The following ARNT2 variants were observed in gnomAD, a reference collection of about 807,000 sequenced individuals.
ARNT2 encodes the protein ARNT protein 2.
In ARNT2, 36 loss-of-function variants were observed where a neutral mutation model predicts 91.7. That is an observed-to-expected ratio of 0.39 (90% CI 0.30 to 0.52). ARNT2 has a LOEUF of 0.52. Ranked by LOEUF, ARNT2 falls within the 20% of genes least tolerant of loss-of-function variation. The pLI, the probability that ARNT2 is intolerant of heterozygous loss-of-function variation, is 0.72. For missense variants in ARNT2, 775 were observed against 939.3 expected (o/e 0.83, Z 2.29); for synonymous variants, 365 against 347.1 (o/e 1.05, Z -0.57).
rs763013404 is a variant in ARNT2 at position 80,528,734 on chromosome 15, A to G, written c.877+14329A>G. Among the ~76,000 whole-genome samples, 4 of 152,172 alleles carry G rather than the reference A, an allele frequency of 2.6e-5. No individual in the cohort carries two copies. In the South Asian group the frequency reaches 8.3e-4, roughly 32 times the overall value. The stretch of plus-strand genomic sequence containing the variant: ...CTCTCTCACTATGTGATCTCTGCAC[A>G]TGGTGGCTCCCCTTCACCTTCCACC... On this transcript the variant is annotated intron_variant, in intron 8 of 18. Coordinates refer to ENST00000303329, the MANE Select transcript of ARNT2 (RefSeq NM_014862.4).
intron 2 of ARNT2, among the ~76,000 whole-genome samples, chr15:80,454,080 GT>G (rs1200782243): frequency 6.6e-6 from 1 of 152,248 alleles, no homozygotes; most frequent in African/African-American, 2.4e-5. Context: ...ATCAGTAAGT[GT>G]CTTAGCGAGC....
chr15:80,431,445 TC>T (rs1896008139), intron 1 of ARNT2, among the ~76,000 whole-genome samples: 1 of 152,144 alleles, frequency 6.6e-6, no homozygotes, highest in Non-Finnish European at 1.5e-5. Context: ...TTTGCTCCTT[TC>T]CCAGTAACAA....
At chr15:80,422,734 CT>C (rs113485640) in intron 1 of ARNT2, among the ~76,000 whole-genome samples, 5 of 150,120 alleles carry the variant, frequency 3.3e-5, no homozygotes, top group African/African-American at 1.2e-4. Context: ...TAAACTTTTA[CT>C]AAGTAAGTAT....
chr15:80,582,180 T>A (rs1898811049), intron 17 of ARNT2, among the ~76,000 whole-genome samples: 1 of 152,110 alleles, frequency 6.6e-6, no homozygotes, highest in African/African-American at 2.4e-5. Context: ...TAGAACTGCT[T>A]GTCTGTCAGC....
intron 1 of ARNT2, among the ~76,000 whole-genome samples, chr15:80,435,010 TA>T (rs150057571): frequency 2.9e-3 from 441 of 152,194 alleles, no homozygotes; most frequent in African/African-American, 0.01. Flanking sequence ...TACCTGCGGG[TA>T]AACCACTGGG....
At chr15:80,578,336 G>C (rs1183412376) in intron 15 of ARNT2, among the ~76,000 whole-genome samples, 2 of 152,094 alleles carry the variant, frequency 1.3e-5, no homozygotes, top group African/African-American at 4.8e-5. Context: ...AGGGCCTGAG[G>C]GGTGTGCTGA....
Position 80,498,204 on chromosome 15 carries a change from A to G in ARNT2, c.623-9952A>G, listed in dbSNP as rs148572312. Among the ~76,000 whole-genome samples the G allele has an allele frequency of 1.7e-3, 255 of 152,304 alleles. 1 individual carries two copies. Among genetic ancestry groups the G allele is most frequent in the Non-Finnish European group, 2.9e-3 (195 of 68,020 alleles). On this transcript the variant is annotated intron_variant, in intron 5 of 18. Transcript: ENST00000303329. Reference sequence around the variant, plus strand: ...GTTGCACTCCCTCCTTCCTGCCTGGAAGCACCGATGGCACACGATTTTTTT... The same window carrying G: ...GTTGCACTCCCTCCTTCCTGCCTGGGAGCACCGATGGCACACGATTTTTTT...
At chr15:80,549,967 T>C (rs1335620826) in intron 8 of ARNT2, among the ~76,000 whole-genome samples, 3 of 152,258 alleles carry the variant, frequency 2.0e-5, no homozygotes, top group Non-Finnish European at 4.4e-5. Context: ...TATTTAGTGG[T>C]TGAATAAATC....
intron 1 of ARNT2, among the ~76,000 whole-genome samples, chr15:80,439,670 A>T (rs1008264603): frequency 6.6e-6 from 1 of 152,208 alleles, no homozygotes; most frequent in Non-Finnish European, 1.5e-5. Flanking sequence ...TTCAACTTCC[A>T]ACTGCCTTTG....
chr15:80,405,685 G>A (rs945683895), intron 1 of ARNT2, among the ~76,000 whole-genome samples: 6 of 152,170 alleles, frequency 3.9e-5, no homozygotes, highest in African/African-American at 1.4e-4. Context: ...GTAAGTAACA[G>A]TGGACTTGCT....
chr15:80,449,192 T>C (rs1271780327), intron 1 of ARNT2, among the ~76,000 whole-genome samples: 1 of 152,158 alleles, frequency 6.6e-6, no homozygotes, highest in Admixed American at 6.5e-5. Flanking sequence ...AGAAAGGGGG[T>C]AAGTGCACAG....
chr15:80,555,191 G>C (rs762945150), intron 11 of ARNT2, 52 bp downstream of exon 11: 1 of 1,583,182 alleles, frequency 6.3e-7, no homozygotes, highest in South Asian at 1.1e-5. Flanking sequence ...GGGCACCTGT[G>C]GATGTGGCTG....
At chr15:80,474,515 G>C (rs1419570193) in intron 4 of ARNT2, among the ~76,000 whole-genome samples, 1 of 152,214 alleles carries the variant, frequency 6.6e-6, no homozygotes, top group Non-Finnish European at 1.5e-5. Context: ...GAACAAGAGG[G>C]TACTTTCAGT....
chr15:80,418,948 A>C (rs1895823930), intron 1 of ARNT2, among the ~76,000 whole-genome samples: 1 of 152,166 alleles, frequency 6.6e-6, no homozygotes, highest in African/African-American at 2.4e-5. Flanking sequence ...CTGGGAATAC[A>C]CTGGGTGGAA....
At chr15:80,463,358 C>T (rs543705406) in intron 3 of ARNT2, among the ~76,000 whole-genome samples, 33 of 148,962 alleles carry the variant, frequency 2.2e-4, no homozygotes, top group African/African-American at 8.0e-4. Flanking sequence ...CCAAACTTCC[C>T]ATGCCTCCTC....
At chr15:80,592,243 AT>A (rs1389069951) in intron 18 of ARNT2, among the ~76,000 whole-genome samples, 1 of 152,138 alleles carries the variant, frequency 6.6e-6, no homozygotes, top group Non-Finnish European at 1.5e-5. Flanking sequence ...TTTCTAGACC[AT>A]CCCTCGTGTC....
At chr15:80,488,737 C>T (rs1373559710) in intron 5 of ARNT2, 1 of 152,032 alleles carries the variant, frequency 6.6e-6, no homozygotes, top group Non-Finnish European at 1.5e-5. Context: ...ATAATACAAC[C>T]TAATTTGTCC....
In ARNT2 at chr15:80,575,011, G is replaced by C; in HGVS notation, c.1414G>C (p.Gly472Arg). The C allele has an allele frequency of 6.2e-7, 1 of 1,614,122 alleles. No individual in the cohort carries two copies. The highest frequency in any genetic ancestry group is 2.2e-5 in the East Asian group (1 of 44,868). Residue 472 changes from glycine to arginine, a missense_variant, in exon 14 of 19, where the codon GGT becomes CGT. Transcript: ENST00000303329. ...GGTCCCCGTCCCCAACCTACCAGCC[G>C]GTGTTCATGAGGCCGGGAAGTCCGT... The part of the protein sequence containing the change: ...SQVPVPNLPA[G>R]VHEAGKSVEK...
intron 3 of ARNT2, among the ~76,000 whole-genome samples, chr15:80,465,930 A>G (rs2141391434): frequency 6.6e-6 from 1 of 151,856 alleles, no homozygotes; most frequent in East Asian, 1.9e-4. Flanking sequence ...GCACCTGCTC[A>G]CTCTCTGTTG....
Sources: gnomAD v4.1 joint callset for allele counts (sites outside exome capture counted in the v4.1 genomes callset) on GRCh38, gnomAD v4.1.1 for gene constraint, MANE v1.5 for transcripts, NCBI Gene and HGNC (gene_info 2026-07-23, HGNC 2026-07-21) for gene names.